Variants in RALYL observed in about 807,000 individuals in gnomAD.
RALYL encodes the protein RNA-binding Raly-like protein.
Under a neutral mutation model 35.1 loss-of-function variants are expected in RALYL, and 29 were observed. The observed-to-expected ratio is 0.83, with a 90% confidence interval of 0.61 to 1.13. The LOEUF (loss-of-function observed/expected upper bound fraction) is 1.13, where lower values mean the gene tolerates loss of function less well. RALYL is among the 50% of genes most tolerant of loss of function. The pLI, the probability that RALYL is intolerant of heterozygous loss-of-function variation, is 0.00. For missense variants in RALYL, 359 were observed against 360.4 expected (o/e 1.00, Z 0.03); for synonymous variants, 120 against 127.6 (o/e 0.94, Z 0.40).
intron 2 of RALYL, among the ~76,000 whole-genome samples, chr8:84,530,795 C>A (rs1045865415): frequency 2.6e-5 from 4 of 152,140 alleles, no homozygotes; most frequent in African/African-American, 9.7e-5. Context: ...CCCTATACTG[C>A]CACATCTTCA....
At chr8:84,184,869 A>C in intron 1 of RALYL, 4 of 1,098,964 alleles carry the variant, frequency 3.6e-6, no homozygotes, top group Non-Finnish European at 5.5e-6. Flanking sequence ...AGATGGGGGT[A>C]GAAGCGGCAG....
chr8:84,793,829 C>A (rs900855604), intron 3 of RALYL, among the ~76,000 whole-genome samples: 2 of 152,156 alleles, frequency 1.3e-5, no homozygotes, highest in Non-Finnish European at 2.9e-5. Context: ...TAGAGAGGGG[C>A]TGTGGTTACC....
At chr8:84,487,286 A>G (rs1456102676) in intron 1 of RALYL, among the ~76,000 whole-genome samples, 1 of 152,076 alleles carries the variant, frequency 6.6e-6, no homozygotes, top group Admixed American at 6.6e-5. Context: ...CCTTGTTTTG[A>G]GTCGCCTGCA....
At chr8:84,574,441 G>A (rs923107656) in intron 2 of RALYL, among the ~76,000 whole-genome samples, 15 of 151,980 alleles carry the variant, frequency 9.9e-5, no homozygotes, top group African/African-American at 3.6e-4. Flanking sequence ...TTTTTCCACA[G>A]TGCTCCCTTT....
intron 1 of RALYL, among the ~76,000 whole-genome samples, chr8:84,337,565 G>T (rs1325054452): frequency 6.6e-6 from 1 of 152,048 alleles, no homozygotes; most frequent in African/African-American, 2.4e-5. Flanking sequence ...TCAGTACATT[G>T]AATGAAAGAA....
At chr8:84,292,218 G>A (rs1183154228) in intron 1 of RALYL, among the ~76,000 whole-genome samples, 3 of 152,106 alleles carry the variant, frequency 2.0e-5, no homozygotes, top group Non-Finnish European at 4.4e-5. Context: ...AGGTGAGGAG[G>A]TAGGTATGTG....
chr8:84,384,673 CT>C (rs1858786378), intron 1 of RALYL, among the ~76,000 whole-genome samples: 1 of 151,690 alleles, frequency 6.6e-6, no homozygotes, highest in African/African-American at 2.4e-5. Flanking sequence ...CTCCTTTCCC[CT>C]GATTTTATCT....
At chr8:84,223,079 C>CTGCCT (rs774377995) in intron 1 of RALYL, among the ~76,000 whole-genome samples, 18 of 133,110 alleles carry the variant, frequency 1.4e-4, no homozygotes, top group East Asian at 2.3e-4. Context: ...TCCCTTTGCC[C>CTGCCT]TGCCTTTCCT....
intron 1 of RALYL, among the ~76,000 whole-genome samples, chr8:84,526,020 C>A (rs1027194032): frequency 3.1e-5 from 4 of 129,096 alleles, no homozygotes; most frequent in Non-Finnish European, 6.2e-5. Context: ...GGGGCACTTT[C>A]TGCTCACTGC....
At chr8:84,238,455 A>G (rs140121254) in intron 1 of RALYL, among the ~76,000 whole-genome samples, 272 of 152,242 alleles carry the variant, frequency 1.8e-3, no homozygotes, top group African/African-American at 6.0e-3. Flanking sequence ...ATGATGCCAC[A>G]TGCATCCTAG....
chr8:84,338,443 AAATTAGCTGTGGTACTGC>A (rs1274203504), intron 1 of RALYL, among the ~76,000 whole-genome samples: 5 of 151,770 alleles, frequency 3.3e-5, no homozygotes, highest in Non-Finnish European at 7.4e-5. Context: ...TAAGAGGATA[AAATTAGCTGTGGTACTGC>A]AATTAAAAAA....
intron 5 of RALYL, among the ~76,000 whole-genome samples, chr8:84,856,967 G>A (rs1837143248): frequency 1.4e-5 from 2 of 143,660 alleles, no homozygotes; most frequent in Non-Finnish European, 3.0e-5. Context: ...AGCGGAGCTT[G>A]CAGTGAGCCG....
intron 1 of RALYL, among the ~76,000 whole-genome samples, chr8:84,458,139 G>A (rs888222766): frequency 3.3e-5 from 5 of 151,900 alleles, no homozygotes; most frequent in Admixed American, 2.0e-4. Flanking sequence ...TCATTTGTCA[G>A]GAAATAAAAT....
At chr8:84,556,500 C>G (rs1001497199) in intron 2 of RALYL, among the ~76,000 whole-genome samples, 1 of 149,688 alleles carries the variant, frequency 6.7e-6, no homozygotes. Context: ...TTGTAAAAGA[C>G]AAAAAAAAAT....
intron 1 of RALYL, among the ~76,000 whole-genome samples, chr8:84,524,789 G>A (rs562999609): frequency 9.9e-5 from 15 of 151,796 alleles, no homozygotes; most frequent in Admixed American, 5.3e-4. Context: ...TGATATTTCC[G>A]GAATGAACCC....
At chr8:84,295,169 T>C (rs546771324) in intron 1 of RALYL, among the ~76,000 whole-genome samples, 1 of 152,188 alleles carries the variant, frequency 6.6e-6, no homozygotes, top group African/African-American at 2.4e-5. Flanking sequence ...TTGTTGAGAA[T>C]TGGAAGTTTG....
At chr8:84,887,812 G>A (rs757011405) in intron 8 of RALYL, 36 bp downstream of exon 8, 24 of 1,563,618 alleles carry the variant, frequency 1.5e-5, no homozygotes, top group African/African-American at 4.1e-5. Flanking sequence ...CACCCTTTGG[G>A]TAACAACACT....
chr8:84,843,290 T>A (rs1833844305), intron 4 of RALYL, among the ~76,000 whole-genome samples: 1 of 152,064 alleles, frequency 6.6e-6, no homozygotes, highest in South Asian at 2.1e-4. Context: ...AAAATCAATG[T>A]ACAAAAATCA....
chr8:84,380,732 A>C (rs1227957652), intron 1 of RALYL, among the ~76,000 whole-genome samples: 1 of 151,958 alleles, frequency 6.6e-6, no homozygotes, highest in Non-Finnish European at 1.5e-5. Context: ...GTGGGGGTCC[A>C]GTAAGAGTTA....
Sources: gnomAD v4.1 joint callset for allele counts (sites outside exome capture counted in the v4.1 genomes callset) on GRCh38, gnomAD v4.1.1 for gene constraint, MANE v1.5 for transcripts, NCBI Gene and HGNC (gene_info 2026-07-23, HGNC 2026-07-21) for gene names.